HERC1: variants seen among roughly 807,000 people sequenced by gnomAD.
HERC1 encodes the protein HECT and RLD domain containing E3 ubiquitin protein ligase family member 1.
HERC1 carries 160 observed loss-of-function variants against 554.3 expected under a neutral mutation model. That is an observed-to-expected ratio of 0.29 (90% CI 0.25 to 0.33). The LOEUF is 0.33. HERC1 is among the 10% of genes least tolerant of loss of function. The pLI, the probability that HERC1 is intolerant of heterozygous loss-of-function variation, is 1.00. For synonymous variants in HERC1, 2,175 were observed against 2,131.7 expected (o/e 1.02, Z -0.56); for missense variants, 4,919 against 5,918.5 (o/e 0.83, Z 5.54).
Position 63,675,134 on chromosome 15 carries a change from A to G in HERC1, c.7071-17T>C, listed in dbSNP as rs763590676. 9 of 1,562,232 alleles carry G rather than the reference A, an allele frequency of 5.8e-6. No individual in the cohort carries two copies. Among genetic ancestry groups the G allele is most frequent in the Non-Finnish European group, 7.8e-6 (9 of 1,154,998 alleles). ...GTTGGGAAGCTTTAATAAAGATCAG[A>G]ATGACACAGGAAGAAGCAAGTGAGG... On this transcript the variant is annotated splice_polypyrimidine_tract_variant and intron_variant, in intron 37 of 77. Transcript: ENST00000443617.
In HERC1 at chr15:63,630,496, C is replaced by T. The variant is rs936175119; in HGVS notation, c.12936G>A (p.Val4312=). The T allele has an allele frequency of 4.3e-6, 7 of 1,613,758 alleles. No individual in the cohort carries two copies. In the East Asian group the frequency reaches 1.6e-4, roughly 36 times the overall value. ...HTLALASNGD[V]YAWGSNSEGQ... is the part of the protein sequence containing the mutation. ...CTTCTGAATTGCTCCCCCAGGCATA[C>T]ACATCTCCATTTGATGCCAAAGCAA... Residue 4312 remains valine, a synonymous_variant, in exon 69 of 78, where the codon GTG becomes GTA. Transcript: ENST00000443617.
rs575266923 is a variant in HERC1 at position 63,644,631 on chromosome 15, A to G, written c.11184+361T>C. ...AACTTCTGTTTAATATAAATAAATC[A>G]TTCTTCATAGCAAGGATTCTGGCAT... On this transcript the variant is annotated intron_variant, in intron 57 of 77. Transcript: ENST00000443617. Among the ~76,000 whole-genome samples the G allele has an allele frequency of 3.3e-5, 5 of 152,282 alleles. No homozygotes were observed. The East Asian group carries it at 9.6e-4, about 29-fold the overall frequency.
Position 63,833,910 on chromosome 15 carries a change from T to C in HERC1, c.-110A>G, listed in dbSNP as rs1426768046. On this transcript the variant is annotated 5_prime_UTR_variant, in exon 1 of 78. Coordinates refer to ENST00000443617, the MANE Select transcript of HERC1 (RefSeq NM_003922.4). Reference sequence around the variant, plus strand: ...GAGGCTGCGGCGGTCGCGTCCTTTATTTTTGCTGCAGCAGCAGCGACTTGT... The same window carrying C: ...GAGGCTGCGGCGGTCGCGTCCTTTACTTTTGCTGCAGCAGCAGCGACTTGT... 6.5e-6 allele frequency: 1 copy of C among 152,682 alleles called. No homozygotes were observed. The highest frequency in any genetic ancestry group is 1.5e-5 in the Non-Finnish European group (1 of 68,216). 9.5% of individuals were successfully genotyped at this position (152,682 alleles called of 1,614,324 possible). A position where few individuals can be genotyped will look rare whatever the true frequency, so the allele number is the denominator to read the frequency against.
At chr15:63,800,591 A>G (rs2165882) in intron 1 of HERC1, among the ~76,000 whole-genome samples, 46,021 of 152,080 alleles carry the variant, frequency 0.3, 7,406 homozygotes, top group Middle Eastern at 0.4. Flanking sequence ...ATCCCTGACT[A>G]TACCCATGTG....
chr15:63,727,713 A>C lies in HERC1; in HGVS notation c.3280T>G (p.Cys1094Gly). Reference sequence around the variant, plus strand: ...GCAGCTGGCAGGAGTCTATTAAGGCAATCAAGAGGTGGCAACAAGTCGAGG... The same window carrying C: ...GCAGCTGGCAGGAGTCTATTAAGGCCATCAAGAGGTGGCAACAAGTCGAGG... ...YLLDLLPPLD[C>G]LNRLLPAADL... The change falls in exon 17 of 78, where the codon TGC becomes GGC. Residue 1094 changes from cysteine (C) to glycine (G), a missense_variant. Cys to Gly is a radical substitution (Grantham distance 159). Transcript: ENST00000443617. This position sits in a 1 kb window ranked among gnomAD's most constrained non-coding sequence, Gnocchi z 4.3. 6.2e-7 allele frequency: 1 copy of C among 1,613,912 alleles called. No individual in the cohort carries two copies. Among genetic ancestry groups the C allele is most frequent in the Non-Finnish European group, 8.5e-7 (1 of 1,179,852 alleles).
chr15:63,617,559 T>G (rs1019447986), intron 74 of HERC1, among the ~76,000 whole-genome samples: 55 of 152,224 alleles, frequency 3.6e-4, no homozygotes, highest in African/African-American at 1.3e-3. Flanking sequence ...GTATTTCTAG[T>G]TCTAGATCCA....
intron 39 of HERC1, 138 bp downstream of exon 39, chr15:63,672,358 C>G: frequency 1.7e-6 from 1 of 605,002 alleles, no homozygotes; most frequent in South Asian, 3.3e-5. Flanking sequence ...GTAAAATGAG[C>G]TTGACTATAT....
intron 18 of HERC1, among the ~76,000 whole-genome samples, 165 bp from the exon 19 acceptor site, chr15:63,723,520 TCAA>T (rs1315263758): frequency 1.3e-5 from 2 of 152,212 alleles, no homozygotes; most frequent in Non-Finnish European, 2.9e-5. Flanking sequence ...GGAGGTAGTA[TCAA>T]CCCTTTTACA....
intron 25 of HERC1, among the ~76,000 whole-genome samples, chr15:63,702,424 C>T (rs2072768346): frequency 6.6e-6 from 1 of 152,094 alleles, no homozygotes; most frequent in African/African-American, 2.4e-5. Context: ...GATAATCAAA[C>T]CACACAGTAT....
chr15:63,754,147 C>A (rs532400029), intron 7 of HERC1, among the ~76,000 whole-genome samples: 3 of 150,956 alleles, frequency 2.0e-5, no homozygotes, highest in South Asian at 2.1e-4. Context: ...GCACTCTAGC[C>A]TGGGTAACAA....
intron 1 of HERC1, among the ~76,000 whole-genome samples, chr15:63,828,373 C>T (rs1181409611): frequency 6.6e-6 from 1 of 151,002 alleles, no homozygotes; most frequent in African/African-American, 2.4e-5. Context: ...AAGTTTTGCT[C>T]TTGTTGCCCA....
At chr15:63,733,936 G>A (rs564694383) in intron 13 of HERC1, among the ~76,000 whole-genome samples, 3 of 152,296 alleles carry the variant, frequency 2.0e-5, no homozygotes, top group African/African-American at 7.2e-5. Flanking sequence ...GCCAGAGCAG[G>A]AGGATCATTT....
At position 63,645,687 on chromosome 15, in the gene HERC1, A is replaced by C. The variant is rs1310312598; in HGVS notation, c.10879-5T>G. 7.2e-5 allele frequency: 109 copies of C among 1,513,048 alleles called. No individual in the cohort carries two copies. The highest frequency in any genetic ancestry group is 9.7e-5 in the Non-Finnish European group (109 of 1,126,010). 93.7% of individuals were successfully genotyped at this position (1,513,048 alleles called of 1,614,324 possible). A position where few individuals can be genotyped will look rare whatever the true frequency, so the allele number is the denominator to read the frequency against. On this transcript the variant is annotated splice_polypyrimidine_tract_variant and splice_region_variant and intron_variant, in intron 55 of 77. Coordinates refer to ENST00000443617, the MANE Select transcript of HERC1 (RefSeq NM_003922.4). ...CTTCATGCTAATAAGAGTATCCTTA[A>C]AATGGAAGGAAGAGAAAAAAAATCA...
In HERC1 at chr15:63,645,552, G is replaced by A. The variant is rs2069294494; in HGVS notation, c.11009C>T (p.Ser3670Phe). 6.2e-7 allele frequency: 1 copy of A among 1,613,476 alleles called. No homozygotes were observed. Among genetic ancestry groups the A allele is most frequent in the African/African-American group, 1.3e-5 (1 of 74,916 alleles). ...WCCLHSLCHP[S>F]IVNGIAWCRL... ...GCACCAAGCAATGCCATTTACAATA[G>A]ATGGATGGCAGAGTGAATGTAGACA... The change falls in exon 56 of 78, where the codon TCT becomes TTT. Residue 3670 changes from serine to phenylalanine, a missense_variant. Around this residue, in one of 11 missense-constraint regions of HERC1, gnomAD observed 1,963 missense variants for 2,228.6 expected, o/e 0.88. Coordinates refer to ENST00000443617, the MANE Select transcript of HERC1 (RefSeq NM_003922.4).
At position 63,696,276 on chromosome 15, in the gene HERC1, T is replaced by G; in HGVS notation, c.4969A>C (p.Ile1657Leu). ...CTCAATCTGCTTCCTGCCAGTGAGA[T>G]GCTACCTTTTTCTTCCATCCCAGAC... ...LLSGMEEKGS[I>L]SLAGSRLSSG... Residue 1657 changes from isoleucine to leucine, a missense_variant, in exon 27 of 78, where the codon ATC becomes CTC. Ile to Leu is a conservative substitution (Grantham distance 5). Transcript: ENST00000443617. 1.2e-6 allele frequency: 2 copies of G among 1,613,468 alleles called. No individual in the cohort carries two copies. Among genetic ancestry groups the G allele is most frequent in the African/African-American group, 1.3e-5 (1 of 75,056 alleles).
In HERC1 at chr15:63,654,058, G is replaced by C. The variant is rs2069866077; in HGVS notation, c.10290+61C>G. On this transcript the variant is annotated intron_variant, in intron 51 of 77. Coordinates refer to ENST00000443617, the MANE Select transcript of HERC1 (RefSeq NM_003922.4). The stretch of plus-strand genomic sequence containing the variant: ...ACCTAAACTTTGAGCTCCTTGAGAA[G>C]AGAAGAGACTATTTCATCTTACATA... The C allele has an allele frequency of 2.9e-5, 39 of 1,334,788 alleles. 1 individual carries two copies. In the South Asian group the frequency reaches 4.7e-4, roughly 16 times the overall value. The allele number at this position is 1,334,788 out of a possible 1,614,324, so 82.7% of individuals were successfully genotyped here. A position where few individuals can be genotyped will look rare whatever the true frequency, so the allele number is the denominator to read the frequency against.
intron 25 of HERC1, among the ~76,000 whole-genome samples, chr15:63,701,709 T>C (rs761037515): frequency 6.6e-6 from 1 of 152,298 alleles, no homozygotes; most frequent in Non-Finnish European, 1.5e-5. Flanking sequence ...AAACACACTA[T>C]GTGGAAGCAT....
chr15:63,700,234 T>C (rs1002717095), intron 25 of HERC1, among the ~76,000 whole-genome samples: 2 of 152,190 alleles, frequency 1.3e-5, no homozygotes, highest in African/African-American at 4.8e-5. Context: ...ATATTGCTAA[T>C]ATTCATCCAC....
At position 63,754,534 on chromosome 15, in the gene HERC1, G is replaced by A; in HGVS notation, c.1745C>T (p.Thr582Ile). ...GTCTCCTCCTCCAAAAGACCATACAGTTCTCCCATCTTTAGACAGAGCAAT... is the reference window on the plus strand; with the variant it reads ...GTCTCCTCCTCCAAAAGACCATACAATTCTCCCATCTTTAGACAGAGCAAT... ...HTIALSKDGR[T>I]VWSFGGGDNG... The change falls in exon 7 of 78, where the codon ACT (threonine) becomes ATT (isoleucine). Residue 582 changes from threonine to isoleucine, a missense_variant. By Grantham distance (89) the Thr-to-Ile change is moderately conservative. This residue lies in a region of HERC1 where 744 missense variants were observed against 1,090.0 expected (regional missense o/e 0.68). Transcript: ENST00000443617. 6.2e-7 allele frequency: 1 copy of A among 1,611,710 alleles called. No homozygotes were observed. The highest frequency in any genetic ancestry group is 1.7e-4 in the Middle Eastern group (1 of 6,058).
Sources: allele counts gnomAD v4.1 joint callset (sites outside exome capture counted in the v4.1 genomes callset), GRCh38; gene constraint gnomAD v4.1.1; regional missense constraint gnomAD v4.1.1; non-coding constraint Gnocchi (gnomAD v3.1); transcripts MANE v1.5; gene names NCBI Gene and HGNC (gene_info 2026-07-23, HGNC 2026-07-21).